Variants in INPP4B observed in about 807,000 individuals in gnomAD.
INPP4B encodes the protein inositol polyphosphate-4-phosphatase type II B.
In INPP4B, 55 loss-of-function variants were observed where a neutral mutation model predicts 122.5. That is an observed-to-expected ratio of 0.45 (90% CI 0.36 to 0.56). INPP4B has a LOEUF of 0.56. Among genes scored for constraint, INPP4B ranks in the 20% least tolerant of loss-of-function variants. The pLI is 0.00. For synonymous variants in INPP4B, 403 were observed against 388.7 expected (o/e 1.04, Z -0.43); for missense variants, 1,000 against 1,097.7 (o/e 0.91, Z 1.26).
intron 1 of INPP4B, among the ~76,000 whole-genome samples, chr4:142,789,205 T>C (rs997293203): frequency 5.3e-5 from 8 of 152,042 alleles, no homozygotes; most frequent in African/African-American, 1.9e-4. Context: ...ATCACTCCTC[T>C]TCAAAACAGT....
chr4:142,500,907 A>T (rs952830690), intron 2 of INPP4B, among the ~76,000 whole-genome samples: 3 of 152,064 alleles, frequency 2.0e-5, no homozygotes, highest in Admixed American at 6.6e-5. Flanking sequence ...TTCAATAAAT[A>T]CAAAGTTTCA....
chr4:142,269,339 C>G (rs1287855806), intron 10 of INPP4B, among the ~76,000 whole-genome samples: 2 of 151,968 alleles, frequency 1.3e-5, no homozygotes, highest in African/African-American at 2.4e-5. Context: ...TACTCTTTCT[C>G]TTTTACATAT....
At chr4:142,691,995 A>T (rs929048343) in intron 2 of INPP4B, among the ~76,000 whole-genome samples, 1 of 152,214 alleles carries the variant, frequency 6.6e-6, no homozygotes, top group African/African-American at 2.4e-5. Flanking sequence ...CCCAAAACAG[A>T]ATCATACTTG....
At chr4:142,513,467 G>A (rs531800564) in intron 2 of INPP4B, among the ~76,000 whole-genome samples, 1 of 152,096 alleles carries the variant, frequency 6.6e-6, no homozygotes, top group East Asian at 1.9e-4. Flanking sequence ...GAGTGTGATG[G>A]CACAGTCTCG....
chr4:142,173,922 T>C (rs1428142898), intron 15 of INPP4B, 113 bp from the exon 16 acceptor site: 1 of 877,460 alleles, frequency 1.1e-6, no homozygotes, highest in Non-Finnish European at 1.8e-6. Flanking sequence ...TTCCTATTGA[T>C]AAGAACTGTC....
intron 2 of INPP4B, among the ~76,000 whole-genome samples, chr4:142,574,756 T>C (rs964785816): frequency 2.6e-5 from 4 of 152,140 alleles, no homozygotes; most frequent in African/African-American, 9.7e-5. Context: ...ATGCTTCTTA[T>C]ACAGCACTTA....
intron 25 of INPP4B, among the ~76,000 whole-genome samples, chr4:142,067,749 A>C (rs1319436007): frequency 6.6e-6 from 1 of 152,182 alleles, no homozygotes; most frequent in Admixed American, 6.6e-5. Flanking sequence ...AGATTAAATA[A>C]ATAAAATGAA....
At chr4:142,116,595 A>G (rs1407737454) in intron 21 of INPP4B, among the ~76,000 whole-genome samples, 1 of 152,204 alleles carries the variant, frequency 6.6e-6, no homozygotes, top group East Asian at 1.9e-4. Context: ...GCAGAAATAA[A>G]GATGTTCTTT....
At chr4:142,778,000 G>A (rs1774198533) in intron 1 of INPP4B, among the ~76,000 whole-genome samples, 2 of 152,086 alleles carry the variant, frequency 1.3e-5, no homozygotes, top group Admixed American at 6.6e-5. Context: ...TAAGTTTGGG[G>A]CCCATCTAAG....
intron 15 of INPP4B, among the ~76,000 whole-genome samples, chr4:142,188,539 G>A (rs1215097002): frequency 1.3e-4 from 18 of 134,102 alleles, no homozygotes; most frequent in African/African-American, 4.9e-4. Context: ...CTTGACTTAT[G>A]AGTTCATACA....
chr4:142,700,213 A>G (rs1408217230), intron 2 of INPP4B, among the ~76,000 whole-genome samples: 6 of 152,168 alleles, frequency 3.9e-5, no homozygotes, highest in Admixed American at 2.0e-4. Context: ...CGCAACAGGG[A>G]GAAAAAAAAC....
At chr4:142,399,107 C>A (rs13126113) in intron 7 of INPP4B, among the ~76,000 whole-genome samples, 148,212 of 151,754 alleles carry the variant, frequency 0.98, 72,485 homozygotes, top group Middle Eastern at 1. Context: ...ATATCTTCCA[C>A]AGCACCATGT....
At chr4:142,480,454 G>A (rs62328329) in intron 2 of INPP4B, among the ~76,000 whole-genome samples, 1 of 152,094 alleles carries the variant, frequency 6.6e-6, no homozygotes, top group Non-Finnish European at 1.5e-5. Flanking sequence ...TAGGAATGAG[G>A]GAAAATGAGT....
intron 2 of INPP4B, among the ~76,000 whole-genome samples, chr4:142,716,643 C>A (rs781583124): frequency 1.2e-4 from 19 of 152,176 alleles, no homozygotes. Flanking sequence ...ATCACTGGAT[C>A]CTGAAAGGTA....
intron 7 of INPP4B, among the ~76,000 whole-genome samples, chr4:142,349,906 AT>A (rs1361958543): frequency 2.0e-5 from 3 of 151,422 alleles, no homozygotes; most frequent in African/African-American, 7.3e-5. Context: ...AAAAAAAAAA[AT>A]CCATCATTAC....
chr4:142,172,482 G>C (rs1040132524), intron 16 of INPP4B, among the ~76,000 whole-genome samples: 1 of 151,934 alleles, frequency 6.6e-6, no homozygotes, highest in African/African-American at 2.4e-5. Flanking sequence ...TTTCACGACA[G>C]AGGCATGTGT....
chr4:142,447,014 A>G (rs1357234394), intron 3 of INPP4B, among the ~76,000 whole-genome samples: 1 of 152,220 alleles, frequency 6.6e-6, no homozygotes, highest in African/African-American at 2.4e-5. Context: ...GTAATAGGAA[A>G]AAAAGTTTTT....
intron 8 of INPP4B, among the ~76,000 whole-genome samples, chr4:142,307,884 C>CT (rs1764040373): frequency 6.6e-6 from 1 of 152,290 alleles, no homozygotes; most frequent in Admixed American, 6.5e-5. Flanking sequence ...GCTGGCTACA[C>CT]ATGTCATGAG....
chr4:142,228,134 T>G (rs1366854309), intron 12 of INPP4B, among the ~76,000 whole-genome samples: 1 of 151,894 alleles, frequency 6.6e-6, no homozygotes, highest in Non-Finnish European at 1.5e-5. Context: ...TATCACATAG[T>G]TTTTAAATAG....
Sources: gnomAD v4.1 joint callset for allele counts (sites outside exome capture counted in the v4.1 genomes callset) on GRCh38, gnomAD v4.1.1 for gene constraint, MANE v1.5 for transcripts, NCBI Gene and HGNC (gene_info 2026-07-23, HGNC 2026-07-21) for gene names.